Variants in QRFPR observed in about 807,000 individuals in gnomAD.
QRFPR encodes pyroglutamylated RF-amide peptide receptor.
Under a neutral mutation model 31.3 loss-of-function variants are expected in QRFPR, and 37 were observed. That is an observed-to-expected ratio of 1.18 (90% CI 0.91 to 1.56). QRFPR has a LOEUF of 1.56. Ranked by LOEUF, QRFPR falls within the 40% of genes most tolerant of loss-of-function variation. The pLI is 0.00. For synonymous variants in QRFPR, 197 were observed against 192.0 expected (o/e 1.03, Z -0.22); for missense variants, 542 against 532.5 (o/e 1.02, Z -0.18).
chr4:121,361,422 G>T (rs529769115), intron 1 of QRFPR, among the ~76,000 whole-genome samples: 1 of 150,108 alleles, frequency 6.7e-6, no homozygotes, highest in Non-Finnish European at 1.5e-5. Context: ...AGAGAGATAC[G>T]CAGCCATGGT....
intron 4 of QRFPR, among the ~76,000 whole-genome samples, chr4:121,330,865 A>G (rs145697236): frequency 6.6e-6 from 1 of 152,306 alleles, no homozygotes; most frequent in East Asian, 1.9e-4. Flanking sequence ...TAAAGGCTGT[A>G]TCTTGGATGT....
chr4:121,359,633 ATGTG>A (rs35744650), intron 1 of QRFPR, among the ~76,000 whole-genome samples: 2 of 150,002 alleles, frequency 1.3e-5, no homozygotes, highest in Non-Finnish European at 3.0e-5. Flanking sequence ...TCATATATAT[ATGTG>A]TGTGTGTGTA....
chr4:121,364,639 T>TAAA lies in QRFPR; in HGVS notation c.340+15666_340+15668dup, dbSNP rs35353604. On this transcript the variant is annotated intron_variant, in intron 1 of 5. Coordinates refer to ENST00000394427, the MANE Select transcript of QRFPR (RefSeq NM_198179.3). Reference sequence around the variant, plus strand: ...TGGGCCACAGAGCGAGACTCCATCTTAAAAAAAAAAAGAAAAGAAAAAAGA... The same window carrying TAAA: ...TGGGCCACAGAGCGAGACTCCATCTTAAAAAAAAAAAAAAGAAAAGAAAAAAGA... 3.4e-4 allele frequency among the ~76,000 whole-genome samples: 47 copies of TAAA among 139,418 alleles called. 1 individual carries two copies. The highest frequency in any genetic ancestry group is 1.1e-3 in the African/African-American group (40 of 37,322). 91.5% of individuals were successfully genotyped at this position (139,418 alleles called of 152,430 possible). A position where few individuals can be genotyped will look rare whatever the true frequency, so the allele number is the denominator to read the frequency against.
At chr4:121,367,353 G>A (rs1319906706) in intron 1 of QRFPR, among the ~76,000 whole-genome samples, 1 of 150,120 alleles carries the variant, frequency 6.7e-6, no homozygotes, top group African/African-American at 2.5e-5. Context: ...CTCTAGAGAT[G>A]TATTATTGCT....
rs560777821 is a variant in QRFPR, at chr4:121,332,269, TAATGAATA to T, written c.797+544_797+551del. On this transcript the variant is annotated intron_variant, in intron 4 of 5. Transcript: ENST00000394427. ...GTAAGTCATGTTTTAAAATTTCTAT[TAATGAATA>T]AATTCAGAAAGCAAAGCCCTTAGGT... 3.4e-4 allele frequency among the ~76,000 whole-genome samples: 52 copies of T among 152,306 alleles called. No homozygotes were observed. The South Asian group carries it at 8.5e-3, about 25-fold the overall frequency.
intron 1 of QRFPR, among the ~76,000 whole-genome samples, chr4:121,365,552 TATATAATATATATTATATATA>T (rs1726092468): frequency 2.3e-4 from 1 of 4,312 alleles, no homozygotes; most frequent in East Asian, 0.014. Flanking sequence ...TTATATATAA[TATATAATATATATTATATATA>T]ATATATATTA....
Position 121,366,812 on chromosome 4 carries a change from A to G in QRFPR, c.340+13496T>C, listed in dbSNP as rs980926260. ...CCATTTTCTCATCTGTAAAATGAGG[A>G]TAATATTATATTTGGCACATAGTAA... On this transcript the variant is annotated intron_variant, in intron 1 of 5. Coordinates refer to ENST00000394427, the MANE Select transcript of QRFPR (RefSeq NM_198179.3). Among the ~76,000 whole-genome samples, 32 of 150,236 alleles carry G rather than the reference A, an allele frequency of 2.1e-4. 4 individuals are homozygous for G. The highest frequency in any genetic ancestry group is 7.6e-4 in the African/African-American group (31 of 40,674).
At position 121,328,989 on chromosome 4, in the gene QRFPR, C is replaced by T. The variant is rs372537877; in HGVS notation, c.*325G>A. Reference sequence around the variant, plus strand: ...CAGGATGGTTTTGATCTCCTGACCTCGTGATCCGCCCGTCTAGGCCTCCCA... The same window carrying T: ...CAGGATGGTTTTGATCTCCTGACCTTGTGATCCGCCCGTCTAGGCCTCCCA... On this transcript the variant is annotated 3_prime_UTR_variant, in exon 6 of 6. Transcript: ENST00000394427. The T allele has an allele frequency of 1.2e-3, 203 of 171,920 alleles. No homozygotes were observed. The highest frequency in any genetic ancestry group is 2.8e-3 in the South Asian group (16 of 5,712). The allele number at this position is 171,920 out of a possible 1,614,324, so 10.6% of individuals were successfully genotyped here. A position where few individuals can be genotyped will look rare whatever the true frequency, so the allele number is the denominator to read the frequency against.
intron 1 of QRFPR, among the ~76,000 whole-genome samples, chr4:121,378,403 T>C (rs1327479103): frequency 2.0e-5 from 3 of 146,712 alleles, no homozygotes; most frequent in Non-Finnish European, 4.5e-5. Flanking sequence ...TCTGGCTCAC[T>C]GCACTTTTTT....
chr4:121,380,434 G>C lies in QRFPR; in HGVS notation c.214C>G (p.Arg72Gly). The change falls in exon 1 of 6, where the codon CGC (arginine) becomes GGC (glycine). Residue 72 changes from arginine (R) to glycine (G), a missense_variant. Transcript: ENST00000394427. Reference protein sequence around the residue: ...GNALVFYVVTRSKAMRTVTNI... With the variant: ...GNALVFYVVTGSKAMRTVTNI... ...GTGACGGTGCGCATGGCCTTGCTGC[G>C]GGTCACCACGTAGAACACCAGAGCA... The C allele has an allele frequency of 6.2e-7, 1 of 1,614,180 alleles. No individual in the cohort carries two copies. Among genetic ancestry groups the C allele is most frequent in the Non-Finnish European group, 8.5e-7 (1 of 1,180,006 alleles).
intron 1 of QRFPR, among the ~76,000 whole-genome samples, chr4:121,377,411 A>AT (rs1269566930): frequency 2.8e-5 from 3 of 105,784 alleles, no homozygotes; most frequent in Admixed American, 8.4e-5. Flanking sequence ...ATATATATAT[A>AT]TATTTTTTTT....
chr4:121,362,257 T>A (rs1726007683), intron 1 of QRFPR, among the ~76,000 whole-genome samples: 1 of 150,282 alleles, frequency 6.7e-6, no homozygotes, highest in South Asian at 2.1e-4. Context: ...AAATCAAGAT[T>A]TTCTGACCAT....
intron 1 of QRFPR, chr4:121,370,108 G>A (rs1436377207): frequency 1.3e-6 from 1 of 769,706 alleles, no homozygotes. Context: ...GGACTGGCAG[G>A]GGAGGGTAGA....
intron 4 of QRFPR, among the ~76,000 whole-genome samples, chr4:121,332,341 T>C (rs1268977269): frequency 6.6e-6 from 1 of 152,212 alleles, no homozygotes; most frequent in Admixed American, 6.5e-5. Context: ...ATAAATAGCA[T>C]GCTTCGGTTT....
chr4:121,348,925 A>T lies in QRFPR; in HGVS notation c.341-8315T>A, dbSNP rs1452673631. ...ATCCTGGCTAACACGGTGAAAGCCC[A>T]TCTCTACTAAAAATACAAAAAATTA... On this transcript the variant is annotated intron_variant, in intron 1 of 5. Coordinates refer to ENST00000394427, the MANE Select transcript of QRFPR (RefSeq NM_198179.3). Among the ~76,000 whole-genome samples, 7 of 151,994 alleles carry T rather than the reference A, an allele frequency of 4.6e-5. No homozygotes were observed. The East Asian group carries it at 1.2e-3, about 25-fold the overall frequency.
chr4:121,336,725 C>T (rs1579569840), intron 3 of QRFPR, 82 bp downstream of exon 3: 2 of 1,140,824 alleles, frequency 1.8e-6, no homozygotes, highest in African/African-American at 1.5e-5. Flanking sequence ...TGTATTGCTC[C>T]TGCAGGAAGG....
intron 1 of QRFPR, among the ~76,000 whole-genome samples, chr4:121,346,400 G>A (rs1330590611): frequency 6.6e-6 from 1 of 152,068 alleles, no homozygotes; most frequent in African/African-American, 2.4e-5. Flanking sequence ...TATCTTATAT[G>A]CTGTGACCTT....
chr4:121,346,837 T>G (rs1725659741), intron 1 of QRFPR, among the ~76,000 whole-genome samples: 2 of 152,304 alleles, frequency 1.3e-5, no homozygotes, highest in Admixed American at 1.3e-4. Flanking sequence ...TACACTGATT[T>G]TGGAATTTGA....
intron 1 of QRFPR, among the ~76,000 whole-genome samples, chr4:121,370,744 G>C (rs1726224965): frequency 2.0e-5 from 3 of 152,136 alleles, no homozygotes. Flanking sequence ...ATGTATTAAA[G>C]GGGACTTTAA....
Sources: gnomAD v4.1 joint callset for allele counts (sites outside exome capture counted in the v4.1 genomes callset) on GRCh38, gnomAD v4.1.1 for gene constraint, MANE v1.5 for transcripts, NCBI Gene and HGNC (gene_info 2026-07-23, HGNC 2026-07-21) for gene names.